IFI16: variants seen among roughly 807,000 people sequenced by gnomAD.
IFI16 encodes the protein interferon gamma inducible protein 16, also known as gamma-interferon-inducible protein 16.
IFI16 carries 49 observed loss-of-function variants against 68.4 expected under a neutral mutation model. That is an observed-to-expected ratio of 0.72 (90% confidence interval 0.57 to 0.91). IFI16 has a LOEUF of 0.91. IFI16 is among the 40% of genes least tolerant of loss of function. The probability of loss-of-function intolerance (pLI) is 0.00; values close to 1 mark genes in which losing one functional copy is unlikely to be tolerated. For missense variants in IFI16, 878 were observed against 942.9 expected, an observed-to-expected ratio of 0.93 and a Z score of 0.90; for synonymous variants, 307 against 315.0, an observed-to-expected ratio of 0.97 and a Z score of 0.27.
At chr1:159,034,874 G>A (rs996136054) in intron 7 of IFI16, among the ~76,000 whole-genome samples, 2 of 152,188 alleles carry the variant, frequency 1.3e-5, no homozygotes, top group Admixed American at 1.3e-4. Flanking sequence ...GAATACAAGA[G>A]GGGAAAAAGT....
Position 159,018,578 on chromosome 1 carries a change from A to C in IFI16, c.899A>C (p.Glu300Ala). ...VPNKIINRAK[E>A]TLKIDILHKQ... The stretch of plus-strand genomic sequence containing the variant: ...AATAAAATCATCAACAGAGCAAAGG[A>C]AACTCTGAAGATTGATATTCTTCAC... Residue 300 changes from glutamate to alanine, a missense_variant, in exon 5 of 12, where the codon GAA becomes GCA. This residue lies in a region of IFI16 where 443 missense variants were observed against 421.8 expected (regional missense o/e 1.05). Transcript: ENST00000295809. 2 of 1,613,730 alleles carry C rather than the reference A, an allele frequency of 1.2e-6. No homozygotes were observed. The highest frequency in any genetic ancestry group is 3.3e-5 in the Admixed American group (2 of 60,020).
upstream of IFI16, among the ~76,000 whole-genome samples, chr1:159,002,939 A>C (rs1652113972): frequency 6.6e-6 from 1 of 152,250 alleles, no homozygotes; most frequent in African/African-American, 2.4e-5. Flanking sequence ...TTGAAGAGGG[A>C]TGTTCAAGCC....
At position 159,021,477 on chromosome 1, in the gene IFI16, C is replaced by T. The variant is rs537117094; in HGVS notation, c.1161+948C>T. On this transcript the variant is annotated intron_variant, in intron 6 of 11. Transcript: ENST00000295809. ...ATAGTATTCCACGGTGTATACATAC[C>T]CCATTTCTTTATCCATTTGTTTACT... 9.2e-5 allele frequency among the ~76,000 whole-genome samples: 14 copies of T among 152,196 alleles called. 1 individual carries two copies. In the South Asian group the frequency reaches 2.7e-3, roughly 29 times the overall value.
intron 6 of IFI16, among the ~76,000 whole-genome samples, chr1:159,023,839 C>T (rs1653486168): frequency 6.6e-6 from 1 of 152,200 alleles, no homozygotes; most frequent in South Asian, 2.1e-4. Flanking sequence ...TAAGGAACAC[C>T]AAATTTTACT....
rs575248481 is a variant in IFI16 at position 159,041,917 on chromosome 1, C to T, written c.1330-3380C>T. On this transcript the variant is annotated intron_variant, in intron 7 of 11. Transcript: ENST00000295809. ...TACTTCAAAGACGTAAGTGAATATTCCTGGAAAATTCTGATTTCTCCTACA... is the reference window on the plus strand; with the variant it reads ...TACTTCAAAGACGTAAGTGAATATTTCTGGAAAATTCTGATTTCTCCTACA... 2.0e-5 allele frequency among the ~76,000 whole-genome samples: 3 copies of T among 152,280 alleles called. No homozygotes were observed. In the South Asian group the frequency reaches 6.2e-4, roughly 32 times the overall value.
At chr1:159,032,850 G>T (rs909783215) in intron 7 of IFI16, among the ~76,000 whole-genome samples, 159 bp downstream of exon 7, 2 of 152,066 alleles carry the variant, frequency 1.3e-5, no homozygotes, top group African/African-American at 4.8e-5. Context: ...CATACAGTGA[G>T]ATAGCACCAC....
At chr1:159,008,557 A>G (rs1652356335), upstream of IFI16, among the ~76,000 whole-genome samples, 1 of 152,168 alleles carries the variant, frequency 6.6e-6, no homozygotes, top group Non-Finnish European at 1.5e-5. Flanking sequence ...AAGGCAGAAA[A>G]TGTTCTGAAG....
chr1:159,017,007 C>T (rs1272726994), intron 4 of IFI16, among the ~76,000 whole-genome samples: 1 of 152,190 alleles, frequency 6.6e-6, no homozygotes, highest in African/African-American at 2.4e-5. Flanking sequence ...TCCCTTGGTT[C>T]ACTATAGTAT....
At chr1:159,033,101 T>A (rs962656414) in intron 7 of IFI16, among the ~76,000 whole-genome samples, 1 of 152,118 alleles carries the variant, frequency 6.6e-6, no homozygotes, top group African/African-American at 2.4e-5. Flanking sequence ...CCCCATTACA[T>A]ATTTTGACAC....
At chr1:159,046,835 A>G (rs1380452060) in intron 8 of IFI16, among the ~76,000 whole-genome samples, 2 of 151,158 alleles carry the variant, frequency 1.3e-5, no homozygotes, top group East Asian at 1.9e-4. Context: ...GTACCTTTCT[A>G]TTTCTTTAGA....
At chr1:159,004,054 T>C (rs990811356), upstream of IFI16, among the ~76,000 whole-genome samples, 1 of 152,220 alleles carries the variant, frequency 6.6e-6, no homozygotes, top group South Asian at 2.1e-4. Context: ...AGCAGTTTCT[T>C]TCCTTGAACC....
intron 5 of IFI16, 54 bp from the exon 6 acceptor site, chr1:159,020,287 T>C: frequency 7.5e-7 from 1 of 1,334,738 alleles, no homozygotes; most frequent in South Asian, 1.2e-5. Flanking sequence ...TCAGCCTATA[T>C]GTGGTTGTTA....
chr1:159,044,741 C>T (rs1654875140), intron 7 of IFI16, among the ~76,000 whole-genome samples: 1 of 152,114 alleles, frequency 6.6e-6, no homozygotes, highest in African/African-American at 2.4e-5. Flanking sequence ...CAGCTAAAAA[C>T]TCTGAAAGAT....
chr1:159,051,220 T>A (rs1298681102), intron 9 of IFI16, among the ~76,000 whole-genome samples: 1 of 151,266 alleles, frequency 6.6e-6, no homozygotes, highest in Non-Finnish European at 1.5e-5. Context: ...ATCAAGGGAG[T>A]CCTAGAGACC....
intron 2 of IFI16, among the ~76,000 whole-genome samples, chr1:159,015,358 A>G (rs1170207065): frequency 1.3e-5 from 2 of 152,214 alleles, no homozygotes; most frequent in Non-Finnish European, 2.9e-5. Flanking sequence ...CAATACTTAC[A>G]TGTGAGCCTG....
At chr1:159,004,261 C>T (rs906984239), upstream of IFI16, among the ~76,000 whole-genome samples, 1 of 150,382 alleles carries the variant, frequency 6.6e-6, no homozygotes, top group Non-Finnish European at 1.5e-5. Context: ...ATTGTTTGAG[C>T]TCTGGAGTTT....
Position 159,032,760 on chromosome 1 carries a change from A to C in IFI16, c.1329+69A>C, listed in dbSNP as rs550076937. The C allele has an allele frequency of 7.3e-4, 926 of 1,260,018 alleles. 5 individuals are homozygous for C. Among genetic ancestry groups the C allele is most frequent in the South Asian group, 3.9e-3 (238 of 61,236 alleles). The allele number at this position is 1,260,018 out of a possible 1,614,324, so 78.1% of individuals were successfully genotyped here. ...TTTACAGGGATCATTAGACTGTTGAAAGAGCTACTGCTGTAATCTCTGTGA... is the reference window on the plus strand; with the variant it reads ...TTTACAGGGATCATTAGACTGTTGACAGAGCTACTGCTGTAATCTCTGTGA... On this transcript the variant is annotated intron_variant, in intron 7 of 11. Coordinates refer to ENST00000295809, the MANE Select transcript of IFI16 (RefSeq NM_001376587.1).
chr1:159,051,188 G>T (rs1454109522), intron 9 of IFI16, among the ~76,000 whole-genome samples: 1 of 152,084 alleles, frequency 6.6e-6, no homozygotes, highest in Non-Finnish European at 1.5e-5. Flanking sequence ...ATCTGGAAGA[G>T]GAAGTATGGA....
chr1:159,053,499 G>A (rs1655483543), intron 10 of IFI16, 34 bp from the exon 11 acceptor site: 1 of 1,445,836 alleles, frequency 6.9e-7, no homozygotes, highest in Admixed American at 1.8e-5. Context: ...TATTGATCCA[G>A]TTTCAGAAGA....
Sources: gnomAD v4.1 joint callset for allele counts (sites outside exome capture counted in the v4.1 genomes callset) on GRCh38, gnomAD v4.1.1 for gene constraint, gnomAD v4.1.1 regional missense constraint, MANE v1.5 for transcripts, NCBI Gene and HGNC (gene_info 2026-07-23, HGNC 2026-07-21) for gene names.